Variants in MYO1D observed in about 807,000 individuals in gnomAD.
The protein encoded by MYO1D is myosin ID, also known as unconventional myosin-Id.
A neutral mutation model predicts 122.0 loss-of-function variants in MYO1D; 83 were observed. The observed-to-expected ratio is 0.68, with a 90% confidence interval of 0.57 to 0.82. The LOEUF (loss-of-function observed/expected upper bound fraction) is 0.82, where lower values mean the gene tolerates loss of function less well. Ranked by LOEUF, MYO1D falls within the 40% of genes least tolerant of loss-of-function variation. The probability of loss-of-function intolerance (pLI) is 0.00; values close to 1 mark genes in which losing one functional copy is unlikely to be tolerated. For missense variants in MYO1D, 1,157 were observed against 1,269.5 expected, an observed-to-expected ratio of 0.91 and a Z score of 1.35; for synonymous variants, 464 against 446.9, an observed-to-expected ratio of 1.04 and a Z score of -0.48.
At chr17:32,818,241 T>A (rs1657170364) in intron 1 of MYO1D, among the ~76,000 whole-genome samples, 1 of 151,474 alleles carries the variant, frequency 6.6e-6, no homozygotes, top group South Asian at 2.1e-4. Context: ...CACACCTCTA[T>A]CCTGCAAATA....
intron 21 of MYO1D, chr17:32,602,403 C>T (rs571653394): frequency 6.6e-6 from 1 of 152,252 alleles, no homozygotes; most frequent in South Asian, 2.1e-4. Context: ...AGCTTTGTTT[C>T]AGGACATAGC....
At chr17:32,856,213 A>G (rs1012661336) in intron 1 of MYO1D, among the ~76,000 whole-genome samples, 3 of 152,148 alleles carry the variant, frequency 2.0e-5, no homozygotes, top group Non-Finnish European at 4.4e-5. Context: ...CAATTTCCAC[A>G]AAAAGCATAG....
At chr17:32,631,916 T>C (rs935557679) in intron 20 of MYO1D, among the ~76,000 whole-genome samples, 1 of 139,978 alleles carries the variant, frequency 7.1e-6, no homozygotes, top group African/African-American at 2.6e-5. Flanking sequence ...TCAAACTCTG[T>C]TAGTTTGAAA....
intron 14 of MYO1D, among the ~76,000 whole-genome samples, chr17:32,735,321 T>C (rs1249998104): frequency 6.6e-6 from 1 of 152,124 alleles, no homozygotes; most frequent in Non-Finnish European, 1.5e-5. Flanking sequence ...CCCAAGTAGC[T>C]GGGACAACAG....
chr17:32,535,197 C>T (rs55790123), intron 21 of MYO1D, among the ~76,000 whole-genome samples: 39,888 of 151,948 alleles, frequency 0.26, 5,745 homozygotes, highest in Admixed American at 0.33. Context: ...ATCTGTAAAC[C>T]GTTAGAAGTG....
intron 17 of MYO1D, among the ~76,000 whole-genome samples, chr17:32,657,815 CA>C (rs1334847831): frequency 6.6e-6 from 1 of 152,192 alleles, no homozygotes; most frequent in East Asian, 1.9e-4. Context: ...AGTAAAACCT[CA>C]AAATCTAAAT....
intron 14 of MYO1D, among the ~76,000 whole-genome samples, chr17:32,733,660 C>T (rs2089665594): frequency 6.6e-6 from 1 of 152,164 alleles, no homozygotes; most frequent in Admixed American, 6.5e-5. Flanking sequence ...ACTTCAAGGA[C>T]CCAGCCTTGA....
intron 16 of MYO1D, among the ~76,000 whole-genome samples, chr17:32,662,840 C>T (rs2088585816): frequency 6.6e-6 from 1 of 151,986 alleles, no homozygotes; most frequent in Non-Finnish European, 1.5e-5. Flanking sequence ...GTAGTCAGTG[C>T]CCAATAAGCA....
chr17:32,666,247 C>T (rs912164751), intron 16 of MYO1D, among the ~76,000 whole-genome samples: 2 of 152,150 alleles, frequency 1.3e-5, no homozygotes, highest in Admixed American at 6.5e-5. Flanking sequence ...CTTTCTACAG[C>T]CCTACAGTCA....
At chr17:32,562,360 C>CATAATTTCATATCATTATTTAGAT (rs59094872) in intron 21 of MYO1D, among the ~76,000 whole-genome samples, 101,657 of 151,954 alleles carry the variant, frequency 0.67, 35,724 homozygotes, top group African/African-American at 0.9. Context: ...TATTTCATTT[C>CATAATTTCATATCATTATTTAGAT]ATTCTTTAAT....
At chr17:32,759,585 A>T (rs1176793159) in intron 10 of MYO1D, among the ~76,000 whole-genome samples, 1 of 152,182 alleles carries the variant, frequency 6.6e-6, no homozygotes, top group Non-Finnish European at 1.5e-5. Flanking sequence ...CAAACTTACA[A>T]GAAAAATTAC....
chr17:32,689,042 G>C (rs1224226669), intron 16 of MYO1D, among the ~76,000 whole-genome samples: 5 of 152,006 alleles, frequency 3.3e-5, no homozygotes, highest in Non-Finnish European at 7.4e-5. Context: ...TTTTCTTTTG[G>C]TGGTGAGATG....
rs1287078459 is a variant in MYO1D at position 32,595,342 on chromosome 17, TGAAAA to T, written c.2864+9740_2864+9744del. Among the ~76,000 whole-genome samples the T allele has an allele frequency of 7.2e-5, 11 of 152,306 alleles. 1 individual carries two copies. The South Asian group carries it at 1.4e-3, about 20-fold the overall frequency. On this transcript the variant is annotated intron_variant, in intron 21 of 21. Coordinates refer to ENST00000318217, the MANE Select transcript of MYO1D (RefSeq NM_015194.3). ...AAGAGAGGATTTTCAATATTCCTAA[TGAAAA>T]GAAATGATAAATGTCTGAGGTGATA... is the stretch of plus-strand genomic sequence containing the variant.
At chr17:32,579,478 G>C (rs2150899820) in intron 21 of MYO1D, among the ~76,000 whole-genome samples, 1 of 152,114 alleles carries the variant, frequency 6.6e-6, no homozygotes, top group East Asian at 1.9e-4. Flanking sequence ...CCAGATTCTA[G>C]TCACTTTTAT....
intron 16 of MYO1D, among the ~76,000 whole-genome samples, chr17:32,684,516 A>G (rs2088977751): frequency 6.6e-6 from 1 of 152,188 alleles, no homozygotes; most frequent in African/African-American, 2.4e-5. Context: ...AATAGACTAA[A>G]TATCTTTATT....
In MYO1D at chr17:32,664,449, C is replaced by G. The variant is rs114045861; in HGVS notation, c.2122-5111G>C. ...GAAAATTAAATGTTATATTAAAAAA[C>G]AAGTGCTTAATACTTATTTGCATAT... is the stretch of plus-strand genomic sequence containing the variant. On this transcript the variant is annotated intron_variant, in intron 16 of 21. Coordinates refer to ENST00000318217, the MANE Select transcript of MYO1D (RefSeq NM_015194.3). 3.7e-3 allele frequency among the ~76,000 whole-genome samples: 560 copies of G among 152,274 alleles called. 4 individuals carry two copies. The highest frequency in any genetic ancestry group is 0.013 in the African/African-American group (533 of 41,558).
intron 20 of MYO1D, among the ~76,000 whole-genome samples, chr17:32,627,027 T>A (rs1201776512): frequency 6.6e-6 from 1 of 152,108 alleles, no homozygotes; most frequent in Non-Finnish European, 1.5e-5. Flanking sequence ...AGAAGAGAGG[T>A]TTCCAAATAT....
intron 17 of MYO1D, chr17:32,658,833 A>G (rs145400570): frequency 4.6e-5 from 18 of 394,624 alleles, no homozygotes; most frequent in African/African-American, 3.4e-4. Flanking sequence ...AAAAGTAAGT[A>G]GAAACAGCAT....
intron 1 of MYO1D, among the ~76,000 whole-genome samples, chr17:32,836,006 T>C (rs1186441453): frequency 1.3e-5 from 2 of 152,210 alleles, no homozygotes; most frequent in African/African-American, 4.8e-5. Flanking sequence ...ATTCATATTT[T>C]TGTAAGCTAA....
Sources: gnomAD v4.1 joint callset for allele counts (sites outside exome capture counted in the v4.1 genomes callset) on GRCh38, gnomAD v4.1.1 for gene constraint, MANE v1.5 for transcripts, NCBI Gene and HGNC (gene_info 2026-07-23, HGNC 2026-07-21) for gene names.